AOPEP: variants seen among roughly 807,000 people sequenced by gnomAD.
AOPEP encodes the protein aminopeptidase O.
A neutral mutation model predicts 98.1 loss-of-function variants in AOPEP; 77 were observed. The observed-to-expected ratio is 0.78, with a 90% CI of 0.65 to 0.95. AOPEP has a LOEUF of 0.95. Ranked by LOEUF, AOPEP falls within the 40% of genes least tolerant of loss-of-function variation. The pLI, the probability that AOPEP is intolerant of heterozygous loss-of-function variation, is 0.00. For synonymous variants in AOPEP, 346 were observed against 365.3 expected, an observed-to-expected ratio of 0.95 and a Z score of 0.60; for missense variants, 1,024 against 1,024.7, an observed-to-expected ratio of 1.00 and a Z score of 0.01.
intron 16 of AOPEP, among the ~76,000 whole-genome samples, chr9:95,084,220 T>C (rs996307294): frequency 3.9e-5 from 6 of 152,252 alleles, no homozygotes; most frequent in African/African-American, 1.2e-4. Context: ...GTTTTGAACA[T>C]TGAGTTTTCT....
intron 11 of AOPEP, among the ~76,000 whole-genome samples, chr9:94,990,011 C>T (rs948094435): frequency 6.6e-6 from 1 of 152,144 alleles, no homozygotes; most frequent in African/African-American, 2.4e-5. Context: ...GGGCACAGAC[C>T]CTGCCCATGA....
rs116590277 is a variant in AOPEP at position 95,062,496 on chromosome 9, C to T, written c.2232+1686C>T. Among the ~76,000 whole-genome samples the T allele has an allele frequency of 7.3e-3, 1,106 of 152,330 alleles. 7 individuals carry two copies. The highest frequency in any genetic ancestry group is 0.025 in the African/African-American group (1,047 of 41,568). On this transcript the variant is annotated intron_variant, in intron 14 of 16. Coordinates refer to ENST00000375315, the MANE Select transcript of AOPEP (RefSeq NM_001193329.3). The stretch of plus-strand genomic sequence containing the variant: ...CAGCGTGTTCGGGATGTAGCGGCTG[C>T]AAGTGAGAAGCCTATTCCATGGTTG...
At chr9:94,893,761 G>T (rs185929252) in intron 5 of AOPEP, among the ~76,000 whole-genome samples, 1 of 152,126 alleles carries the variant, frequency 6.6e-6, no homozygotes, top group Admixed American at 6.5e-5. Flanking sequence ...AACAAGACAG[G>T]TCTCTTTCTC....
intron 5 of AOPEP, among the ~76,000 whole-genome samples, chr9:94,823,471 A>C (rs1853733013): frequency 6.6e-6 from 1 of 152,064 alleles, no homozygotes; most frequent in Non-Finnish European, 1.5e-5. Context: ...AGATTCTTTG[A>C]ATCTCACTGA....
chr9:95,088,831 C>A (rs114704629), downstream of AOPEP, among the ~76,000 whole-genome samples: 990 of 152,342 alleles, frequency 6.5e-3, 11 homozygotes, highest in African/African-American at 0.022. Context: ...GGTCTTGTGA[C>A]TTGCTTTGAC....
chr9:95,122,024 A>AT, the AOPEP span, among the ~76,000 whole-genome samples: 1 of 151,642 alleles, frequency 6.6e-6, no homozygotes, highest in East Asian at 1.9e-4. Flanking sequence ...TGCCCGGCGA[A>AT]TTTTTTTGTA....
At chr9:94,940,136 G>A (rs2056838841) in intron 7 of AOPEP, among the ~76,000 whole-genome samples, 1 of 152,220 alleles carries the variant, frequency 6.6e-6, no homozygotes, top group Non-Finnish European at 1.5e-5. Flanking sequence ...CCTTGAGAGA[G>A]TTACTCAACC....
At chr9:95,051,072 A>G (rs1439930037) in intron 13 of AOPEP, among the ~76,000 whole-genome samples, 1 of 146,634 alleles carries the variant, frequency 6.8e-6, no homozygotes, top group Non-Finnish European at 1.5e-5. Context: ...TTATCTCTAA[A>G]ATGTTTTTGT....
At chr9:94,992,417 G>A (rs930664790) in intron 11 of AOPEP, among the ~76,000 whole-genome samples, 1 of 152,218 alleles carries the variant, frequency 6.6e-6, no homozygotes, top group Non-Finnish European at 1.5e-5. Flanking sequence ...CCGTCACACT[G>A]TAAGTGGGCT....
rs1236156820 is a variant in AOPEP, at chr9:95,060,701, C to CA, written c.2124dup (p.Asp709ArgfsTer43). 4.3e-6 allele frequency: 7 copies of CA among 1,611,612 alleles called. No individual in the cohort carries two copies. The highest frequency in any genetic ancestry group is 5.9e-6 in the Non-Finnish European group (7 of 1,177,724). Reference sequence around the variant, plus strand: ...GTTTGGTTTTGTCTTTAGCTTCTTCCAGACCAGCTGGTCTTGCTTCTGGAG... The same window carrying CA: ...GTTTGGTTTTGTCTTTAGCTTCTTCCAAGACCAGCTGGTCTTGCTTCTGGAG... On this transcript the variant is annotated frameshift_variant, in exon 14 of 17. Coordinates refer to ENST00000375315, the MANE Select transcript of AOPEP (RefSeq NM_001193329.3). LOFTEE classifies it high-confidence loss of function.
At chr9:95,062,622 A>G (rs1404351200) in intron 14 of AOPEP, among the ~76,000 whole-genome samples, 2 of 152,226 alleles carry the variant, frequency 1.3e-5, no homozygotes, top group Non-Finnish European at 2.9e-5. Flanking sequence ...AGGAGGGACG[A>G]GATTACTATT....
intron 2 of AOPEP, among the ~76,000 whole-genome samples, chr9:94,765,903 T>C (rs928150214): frequency 3.3e-5 from 5 of 152,172 alleles, no homozygotes; most frequent in Non-Finnish European, 7.4e-5. Context: ...AGATACTGGA[T>C]TGTAGGTGAC....
chr9:95,122,538 T>C, the AOPEP span, among the ~76,000 whole-genome samples: 2 of 152,276 alleles, frequency 1.3e-5, no homozygotes, highest in South Asian at 2.1e-4. Context: ...CTGTTTGTTT[T>C]TGGATCCCTG....
chr9:94,999,454 G>A (rs867499616), intron 11 of AOPEP, among the ~76,000 whole-genome samples: 1 of 152,162 alleles, frequency 6.6e-6, no homozygotes, highest in East Asian at 1.9e-4. Context: ...GCCTAAGTCC[G>A]ACTATTCCTG....
intron 1 of AOPEP, among the ~76,000 whole-genome samples, chr9:94,730,144 C>T (rs888529596): frequency 6.6e-6 from 1 of 152,008 alleles, no homozygotes; most frequent in East Asian, 1.9e-4. Flanking sequence ...ATTAGCTGGG[C>T]GTGGTGGCGG....
At chr9:95,111,282 G>A in the AOPEP span, 3 of 1,562,400 alleles carry the variant, frequency 1.9e-6, no homozygotes, top group Non-Finnish European at 2.6e-6. Context: ...GTGGGGACAG[G>A]AGAACGCCTC....
intron 14 of AOPEP, among the ~76,000 whole-genome samples, chr9:95,062,493 C>T (rs1280644248): frequency 2.6e-5 from 4 of 152,206 alleles, no homozygotes; most frequent in Non-Finnish European, 4.4e-5. Flanking sequence ...GATGTAGCGG[C>T]TGCAAGTGAG....
At chr9:94,933,155 ATCCCCTGCCTACAAGG>A in intron 7 of AOPEP, 4 of 985,658 alleles carry the variant, frequency 4.1e-6, no homozygotes, top group Non-Finnish European at 4.8e-6. Context: ...CCTGTCATCT[ATCCCCTGCCTACAAGG>A]TCCCCTCCTG....
At position 94,817,975 on chromosome 9, in the gene AOPEP, C is replaced by G. The variant is rs770470952; in HGVS notation, c.1364+16973C>G. 1.8e-4 allele frequency among the ~76,000 whole-genome samples: 28 copies of G among 152,198 alleles called. 1 individual carries two copies. Among genetic ancestry groups the G allele is most frequent in the Non-Finnish European group, 3.8e-4 (26 of 68,026 alleles). On this transcript the variant is annotated intron_variant, in intron 5 of 16. Coordinates refer to ENST00000375315, the MANE Select transcript of AOPEP (RefSeq NM_001193329.3). ...CTTCCTGGGCAAAAGTCATCATGCTCCTTGGAAGCCATCCAGCCACTGCAC... is the reference window on the plus strand; with the variant it reads ...CTTCCTGGGCAAAAGTCATCATGCTGCTTGGAAGCCATCCAGCCACTGCAC...
Sources: gnomAD v4.1 joint callset for allele counts (sites outside exome capture counted in the v4.1 genomes callset) on GRCh38, gnomAD v4.1.1 for gene constraint, MANE v1.5 for transcripts, NCBI Gene and HGNC (gene_info 2026-07-23, HGNC 2026-07-21) for gene names.